The following DSCAML1 variants were observed in gnomAD, a reference collection of about 807,000 sequenced individuals.
DSCAML1 encodes DS cell adhesion molecule like 1.
A neutral mutation model predicts 200.5 loss-of-function variants in DSCAML1; 38 were observed. That is an observed-to-expected ratio of 0.19 (90% CI 0.15 to 0.25). The LOEUF (loss-of-function observed/expected upper bound fraction) is 0.25. Ranked by LOEUF, DSCAML1 falls within the 10% of genes least tolerant of loss-of-function variation. The probability of loss-of-function intolerance (pLI) is 1.00; values close to 1 mark genes in which losing one functional copy is unlikely to be tolerated. For missense variants in DSCAML1, 2,223 were observed against 2,858.8 expected (o/e 0.78, Z 5.07); for synonymous variants, 1,215 against 1,165.0 (o/e 1.04, Z -0.87).
intron 3 of DSCAML1, among the ~76,000 whole-genome samples, chr11:117,541,350 T>A (rs1256760180): frequency 6.6e-6 from 1 of 152,244 alleles, no homozygotes; most frequent in East Asian, 1.9e-4. Flanking sequence ...CAAGAAGTTA[T>A]TTTGGTTCAC....
chr11:117,675,108 T>C (rs1028915916), intron 3 of DSCAML1, among the ~76,000 whole-genome samples: 9 of 152,162 alleles, frequency 5.9e-5, no homozygotes, highest in Non-Finnish European at 1.2e-4. Context: ...AAGATAGTAA[T>C]AGCAACTCCT....
At chr11:117,770,848 C>G (rs2055025782) in intron 3 of DSCAML1, among the ~76,000 whole-genome samples, 1 of 152,152 alleles carries the variant, frequency 6.6e-6, no homozygotes, top group Non-Finnish European at 1.5e-5. Flanking sequence ...TTGAACCAGA[C>G]TTTGAAAGAT....
intron 8 of DSCAML1, among the ~76,000 whole-genome samples, chr11:117,509,815 G>A (rs1293608625): frequency 6.6e-6 from 1 of 152,218 alleles, no homozygotes; most frequent in African/African-American, 2.4e-5. Flanking sequence ...CCATCCTCCC[G>A]GAGGTGGGGT....
chr11:117,609,192 CTA>C (rs1486819471), intron 3 of DSCAML1, among the ~76,000 whole-genome samples: 1 of 150,692 alleles, frequency 6.6e-6, no homozygotes, highest in Non-Finnish European at 1.5e-5. Context: ...GAGCCAGACC[CTA>C]TCTCAATTTA....
rs138438078 is a variant in DSCAML1 at position 117,807,658 on chromosome 11, T to C, written c.-250+9732A>G. On this transcript the variant is annotated intron_variant, in intron 1 of 2. Transcript: ENST00000525836. Reference sequence around the variant, plus strand: ...CTAGAGAAGGTCACAGTACCTGCCATGGCCAGCAGGTGTCGCCCAAAGACT... The same window carrying C: ...CTAGAGAAGGTCACAGTACCTGCCACGGCCAGCAGGTGTCGCCCAAAGACT... Among the ~76,000 whole-genome samples the C allele has an allele frequency of 2.6e-5, 4 of 152,324 alleles. No individual in the cohort carries two copies. The East Asian group carries it at 7.7e-4, about 29-fold the overall frequency.
intron 3 of DSCAML1, among the ~76,000 whole-genome samples, chr11:117,759,956 G>A (rs761182693): frequency 1.3e-5 from 2 of 152,080 alleles, no homozygotes; most frequent in Non-Finnish European, 2.9e-5. Context: ...TGGAAGAGGG[G>A]GCAGGAAATA....
chr11:117,487,907 C>A (rs778399648), intron 11 of DSCAML1, among the ~76,000 whole-genome samples: 22 of 152,324 alleles, frequency 1.4e-4, no homozygotes, highest in South Asian at 1.0e-3. Flanking sequence ...AGTAGACAAC[C>A]TGTGGCCTCA....
At chr11:117,578,950 T>C (rs1348262498) in intron 3 of DSCAML1, among the ~76,000 whole-genome samples, 1 of 152,200 alleles carries the variant, frequency 6.6e-6, no homozygotes, top group Non-Finnish European at 1.5e-5. Context: ...CCATTCCCCA[T>C]GAAGGGCATC....
intron 20 of DSCAML1, among the ~76,000 whole-genome samples, chr11:117,445,083 C>T (rs541028145): frequency 3.0e-4 from 45 of 152,292 alleles, no homozygotes; most frequent in Admixed American, 1.2e-3. Context: ...CACATGTAGA[C>T]GCATGCACAC....
At chr11:117,442,467 A>G (rs1271266395) in intron 21 of DSCAML1, among the ~76,000 whole-genome samples, 1 of 150,574 alleles carries the variant, frequency 6.6e-6, no homozygotes, top group Non-Finnish European at 1.5e-5. Flanking sequence ...GCGCGTGCAT[A>G]TGCATGTGTT....
chr11:117,762,414 G>A (rs1001006252), intron 3 of DSCAML1, among the ~76,000 whole-genome samples: 5 of 152,144 alleles, frequency 3.3e-5, no homozygotes, highest in Admixed American at 6.5e-5. Context: ...TCTGCCCCTG[G>A]TGCCTGCTTC....
chr11:117,716,078 G>A (rs1292395305), intron 3 of DSCAML1, among the ~76,000 whole-genome samples: 1 of 152,228 alleles, frequency 6.6e-6, no homozygotes, highest in Non-Finnish European at 1.5e-5. Context: ...CCAGGCTGAC[G>A]CCTGTTGGTT....
intron 1 of DSCAML1, among the ~76,000 whole-genome samples, chr11:117,804,566 CTT>C (rs747697564): frequency 3.9e-5 from 6 of 152,232 alleles, no homozygotes; most frequent in Admixed American, 2.6e-4. Context: ...GGCTACGTAT[CTT>C]TTTTCTTTTC....
At chr11:117,550,052 T>C (rs1435588190) in intron 3 of DSCAML1, among the ~76,000 whole-genome samples, 2 of 152,122 alleles carry the variant, frequency 1.3e-5, no homozygotes, top group South Asian at 2.1e-4. Flanking sequence ...AGCCCTTAGT[T>C]AGTCATTTCT....
At chr11:117,674,476 G>A (rs2053171112) in intron 3 of DSCAML1, among the ~76,000 whole-genome samples, 2 of 152,158 alleles carry the variant, frequency 1.3e-5, no homozygotes, top group South Asian at 4.1e-4. Flanking sequence ...AGTGGATGGG[G>A]TCATCCCAAA....
chr11:117,637,899 G>T (rs1383189506), intron 3 of DSCAML1, among the ~76,000 whole-genome samples: 1 of 152,210 alleles, frequency 6.6e-6, no homozygotes, highest in Non-Finnish European at 1.5e-5. Flanking sequence ...ACCGCTGGGT[G>T]CTGGATTCTG....
chr11:117,608,221 T>C (rs1489360785), intron 3 of DSCAML1, among the ~76,000 whole-genome samples: 2 of 152,202 alleles, frequency 1.3e-5, no homozygotes, highest in Non-Finnish European at 2.9e-5. Flanking sequence ...AATAGAACAA[T>C]TGCACAATGG....
At position 117,569,430 on chromosome 11, in the gene DSCAML1, G is replaced by C. The variant is rs187897374; in HGVS notation, c.512-36908C>G. Among the ~76,000 whole-genome samples, 19 of 152,258 alleles carry C rather than the reference G, an allele frequency of 1.2e-4. 1 individual carries two copies. The East Asian group carries it at 3.7e-3, about 29-fold the overall frequency. On this transcript the variant is annotated intron_variant, in intron 3 of 32. Transcript: ENST00000651296. ...TTGTTTTTGTAGAGATGGGATTTTT[G>C]TATTTCATAGAGATGGGATTTTTGT...
intron 3 of DSCAML1, among the ~76,000 whole-genome samples, chr11:117,535,624 T>G (rs1278279643): frequency 6.6e-6 from 1 of 152,200 alleles, no homozygotes; most frequent in Non-Finnish European, 1.5e-5. Context: ...TGTCTCCATG[T>G]TGTGACATCC....
Sources: allele counts gnomAD v4.1 joint callset (sites outside exome capture counted in the v4.1 genomes callset), GRCh38; gene constraint gnomAD v4.1.1; transcripts MANE v1.5; gene names NCBI Gene and HGNC (gene_info 2026-07-23, HGNC 2026-07-21).